ATXN3: variants seen among roughly 807,000 people sequenced by gnomAD.
ATXN3 encodes ataxin-3.
In ATXN3, 28 loss-of-function variants were observed where a neutral mutation model predicts 58.2. The observed-to-expected ratio is 0.48, with a 90% confidence interval of 0.36 to 0.66. The LOEUF is 0.66. Ranked by LOEUF, ATXN3 falls within the 30% of genes least tolerant of loss-of-function variation. ATXN3 has a pLI of 0.00. For synonymous variants in ATXN3, 113 were observed against 138.5 expected, an observed-to-expected ratio of 0.82 and a Z score of 1.29; for missense variants, 321 against 422.1, an observed-to-expected ratio of 0.76 and a Z score of 2.10.
intron 9 of ATXN3, among the ~76,000 whole-genome samples, chr14:92,077,208 G>A (rs1182186572): frequency 6.6e-6 from 1 of 152,124 alleles, no homozygotes; most frequent in Non-Finnish European, 1.5e-5. Context: ...TTCATTTTAT[G>A]AAATATCATG....
At chr14:92,066,212 C>A (rs1441264662) in intron 10 of ATXN3, among the ~76,000 whole-genome samples, 2 of 152,136 alleles carry the variant, frequency 1.3e-5, no homozygotes, top group East Asian at 3.8e-4. Context: ...TCCAAAGTGC[C>A]TGCATCAGTA....
intron 2 of ATXN3, among the ~76,000 whole-genome samples, chr14:92,046,970 C>G (rs997449906): frequency 6.6e-6 from 1 of 152,006 alleles, no homozygotes; most frequent in African/African-American, 2.4e-5. Flanking sequence ...GGAGGGGCTA[C>G]AAAGTAGAAG....
At position 92,059,171 on chromosome 14, in the gene ATXN3, C is replaced by CTT. The variant is rs2057571491; in HGVS notation, c.*5148_*5149insAA. 1 of 151,888 alleles carries CTT rather than the reference C, an allele frequency of 6.6e-6. No individual in the cohort carries two copies. Among genetic ancestry groups the CTT allele is most frequent in the Non-Finnish European group, 1.5e-5 (1 of 67,994 alleles). 9.4% of individuals were successfully genotyped at this position (151,888 alleles called of 1,614,324 possible). ...GTTATTAGCACTAATTCTTAAAATG[C>CTT]CAGACCACTTGGAAAAAATAATAAT... is the stretch of plus-strand genomic sequence containing the variant. On this transcript the variant is annotated 3_prime_UTR_variant, in exon 11 of 11. Transcript: ENST00000644486.
intron 6 of ATXN3, among the ~76,000 whole-genome samples, chr14:92,088,217 C>T (rs1185245188): frequency 2.6e-5 from 4 of 152,078 alleles, no homozygotes; most frequent in South Asian, 4.2e-4. Context: ...TACAGGCGTC[C>T]GCCACCACAC....
At chr14:92,096,206 C>T (rs140887946) in intron 2 of ATXN3, 69 bp from the exon 3 acceptor site, 31 of 1,611,776 alleles carry the variant, frequency 1.9e-5, no homozygotes, top group East Asian at 4.5e-5. Context: ...CTGTCATTAG[C>T]GTGCATATTT....
chr14:92,064,365 A>G lies in ATXN3; in HGVS notation c.1041T>C (p.Ser347=). Residue 347 remains serine, a synonymous_variant, in exon 11 of 11, where the codon TCT becomes TCC. Coordinates refer to ENST00000644486, the MANE Select transcript of ATXN3 (RefSeq NM_004993.6). The part of the protein sequence containing the change: ...EDMLQAAVTM[S]LETVRNDLKT... ...TCAAATCATTTCTGACAGTTTCTAA[A>G]GACATGGTCACAGCTGCCTGAAGCA... 1 of 1,613,338 alleles carries G rather than the reference A, an allele frequency of 6.2e-7. No homozygotes were observed. Among genetic ancestry groups the G allele is most frequent in the East Asian group, 2.2e-5 (1 of 44,846 alleles).
intron 1 of ATXN3, among the ~76,000 whole-genome samples, chr14:92,048,876 T>C (rs930281358): frequency 2.6e-5 from 4 of 151,978 alleles, no homozygotes; most frequent in African/African-American, 9.7e-5. Flanking sequence ...GGGTGGAGAC[T>C]GAAGGAACAG....
rs1307531959 is a variant in ATXN3 at position 92,083,263 on chromosome 14, A to G, written c.476-5T>C. 6.3e-7 allele frequency: 1 copy of G among 1,590,988 alleles called. No homozygotes were observed. The highest frequency in any genetic ancestry group is 1.9e-5 in the Admixed American group (1 of 52,868). ...TAACGACAAATATAGAATAACCTAA[A>G]AAAAAAAGGCAAAAATCAACCTAAC... On this transcript the variant is annotated splice_polypyrimidine_tract_variant and splice_region_variant and intron_variant, in intron 6 of 10. Transcript: ENST00000644486.
intron 10 of ATXN3, among the ~76,000 whole-genome samples, chr14:92,066,833 G>A (rs1174661170): frequency 2.0e-5 from 3 of 151,156 alleles, no homozygotes; most frequent in Non-Finnish European, 4.4e-5. Context: ...GCAGTGGCGC[G>A]ACCTTGGCTC....
At chr14:92,078,451 TC>T in intron 9 of ATXN3, among the ~76,000 whole-genome samples, 3 of 152,176 alleles carry the variant, frequency 2.0e-5, no homozygotes, top group Middle Eastern at 6.8e-3. Flanking sequence ...CAACCTCGCC[TC>T]CCGGGTTCAA....
chr14:92,103,511 C>T (rs2067355818), intron 1 of ATXN3, among the ~76,000 whole-genome samples: 1 of 152,148 alleles, frequency 6.6e-6, no homozygotes, highest in South Asian at 2.1e-4. Context: ...TCATGGCTCA[C>T]TACAGCCTCG....
intron 9 of ATXN3, among the ~76,000 whole-genome samples, chr14:92,077,137 T>C (rs745364516): frequency 1.1e-4 from 16 of 152,100 alleles, no homozygotes; most frequent in Non-Finnish European, 2.4e-4. Flanking sequence ...GAATTGTTCA[T>C]TGCAATATTA....
Position 92,080,949 on chromosome 14 carries a change from G to C in ATXN3, c.872+16C>G. On this transcript the variant is annotated intron_variant, in intron 9 of 10. Coordinates refer to ENST00000644486, the MANE Select transcript of ATXN3 (RefSeq NM_004993.6). ...AATATTAAACATGCTACTTTAACTT[G>C]TACCAACTACTTTACTTTTCAAAGT... 6.4e-7 allele frequency: 1 copy of C among 1,573,348 alleles called. No individual in the cohort carries two copies. Among genetic ancestry groups the C allele is most frequent in the Non-Finnish European group, 8.7e-7 (1 of 1,143,734 alleles).
chr14:92,050,084 A>G (rs571458903), upstream of ATXN3, among the ~76,000 whole-genome samples: 1 of 152,186 alleles, frequency 6.6e-6, no homozygotes, highest in South Asian at 2.1e-4. Context: ...ATAATGTGAT[A>G]AATAATGTGA....
chr14:92,064,156 G>T lies in ATXN3; in HGVS notation c.*164C>A. On this transcript the variant is annotated 3_prime_UTR_variant, in exon 11 of 11. Coordinates refer to ENST00000644486, the MANE Select transcript of ATXN3 (RefSeq NM_004993.6). ...CTAATATTTGGAAGATCATTATTTAGTCCTACAACCGACGCATTGTTCCAC... is the reference window on the plus strand; with the variant it reads ...CTAATATTTGGAAGATCATTATTTATTCCTACAACCGACGCATTGTTCCAC... 2.0e-6 allele frequency: 1 copy of T among 496,600 alleles called. No individual in the cohort carries two copies. The highest frequency in any genetic ancestry group is 3.6e-6 in the Non-Finnish European group (1 of 275,512). 30.8% of individuals were successfully genotyped at this position (496,600 alleles called of 1,614,324 possible).
downstream of ATXN3, chr14:92,058,455 C>T (rs2057517128): frequency 6.6e-6 from 1 of 152,270 alleles, no homozygotes; most frequent in Non-Finnish European, 1.5e-5. Context: ...CTTCTGCCTC[C>T]TGGGTAGCTG....
chr14:92,067,242 T>C lies in ATXN3; in HGVS notation c.992-2828A>G, dbSNP rs532859750. Among the ~76,000 whole-genome samples the C allele has an allele frequency of 3.9e-5, 6 of 152,380 alleles. No individual in the cohort carries two copies. In the South Asian group the frequency reaches 8.3e-4, roughly 21 times the overall value. On this transcript the variant is annotated intron_variant, in intron 10 of 10. Transcript: ENST00000644486. The stretch of plus-strand genomic sequence containing the variant: ...GCAGTGTTCAGAAATCTGACTGTGA[T>C]GTGTCTCTGTGTGAACTTCTTTGAG...
At chr14:92,096,168 G>T in intron 2 of ATXN3, 31 bp from the exon 3 acceptor site, 1 of 1,611,174 alleles carries the variant, frequency 6.2e-7, no homozygotes, top group South Asian at 1.1e-5. Flanking sequence ...TTGAAGCAAG[G>T]GTGGGGGTGG....
chr14:92,094,232 G>A (rs1008397844), intron 3 of ATXN3, among the ~76,000 whole-genome samples: 2 of 151,942 alleles, frequency 1.3e-5, no homozygotes, highest in South Asian at 2.1e-4. Context: ...GAGCCACCAC[G>A]CCCAGCCGGC....
Sources: allele counts gnomAD v4.1 joint callset (sites outside exome capture counted in the v4.1 genomes callset), GRCh38; gene constraint gnomAD v4.1.1; transcripts MANE v1.5; gene names NCBI Gene and HGNC (gene_info 2026-07-23, HGNC 2026-07-21).